Variants in PPARGC1A observed in about 807,000 individuals in gnomAD.
PPARGC1A encodes peroxisome proliferator-activated receptor gamma coactivator 1-alpha.
PPARGC1A carries 25 observed loss-of-function variants against 88.7 expected under a neutral mutation model. That is an observed-to-expected ratio of 0.28 (90% CI 0.21 to 0.39). PPARGC1A has a LOEUF of 0.39. PPARGC1A is among the 10% of genes least tolerant of loss of function. The pLI is 1.00. For synonymous variants in PPARGC1A, 363 were observed against 355.6 expected (o/e 1.02, Z -0.24); for missense variants, 880 against 968.7 (o/e 0.91, Z 1.22).
At chr4:24,016,044 G>A in the PPARGC1A span, among the ~76,000 whole-genome samples, 3 of 152,158 alleles carry the variant, frequency 2.0e-5, no homozygotes, top group Admixed American at 2.0e-4. Flanking sequence ...TGCCAATAGA[G>A]TGGTGCTTAG....
chr4:24,351,615 AT>A, the PPARGC1A span, among the ~76,000 whole-genome samples: 9 of 152,152 alleles, frequency 5.9e-5, no homozygotes, highest in Non-Finnish European at 1.5e-5. Flanking sequence ...ATTCACAAAA[AT>A]AAGGCCAAAT....
chr4:24,128,575 T>C, the PPARGC1A span, among the ~76,000 whole-genome samples: 1 of 134,194 alleles, frequency 7.5e-6, no homozygotes, highest in Non-Finnish European at 1.6e-5. Flanking sequence ...TGTGTGTGTG[T>C]GTGTGCACGC....
intron 7 of PPARGC1A, among the ~76,000 whole-genome samples, chr4:23,819,758 A>T (rs1722646501): frequency 6.6e-6 from 1 of 152,214 alleles, no homozygotes; most frequent in Non-Finnish European, 1.5e-5. Context: ...TGACAGTAAG[A>T]GTCGCCAAGC....
the PPARGC1A span, among the ~76,000 whole-genome samples, chr4:24,021,616 A>G: frequency 6.6e-6 from 1 of 152,190 alleles, no homozygotes; most frequent in Non-Finnish European, 1.5e-5. Flanking sequence ...TATTCATATT[A>G]GAAGAAAGGG....
chr4:23,885,646 A>ATGTG (rs10657089), intron 1 of PPARGC1A, among the ~76,000 whole-genome samples: 293 of 150,792 alleles, frequency 1.9e-3, no homozygotes, highest in African/African-American at 5.0e-3. Flanking sequence ...AACTTGCAAG[A>ATGTG]TGTGTGTGTG....
the PPARGC1A span, among the ~76,000 whole-genome samples, chr4:24,173,362 A>G: frequency 6.6e-6 from 1 of 152,062 alleles, no homozygotes; most frequent in East Asian, 1.9e-4. Flanking sequence ...AAAAAAGAAA[A>G]AAAATTCAGA....
chr4:23,998,204 A>G, the PPARGC1A span, among the ~76,000 whole-genome samples: 1 of 152,250 alleles, frequency 6.6e-6, no homozygotes, highest in Non-Finnish European at 1.5e-5. Flanking sequence ...GATAATTTGT[A>G]TACACATAAG....
chr4:24,357,649 G>A, the PPARGC1A span, among the ~76,000 whole-genome samples: 57,287 of 151,982 alleles, frequency 0.38, 11,145 homozygotes, highest in Non-Finnish European at 0.41. Flanking sequence ...TTGAATTGTA[G>A]CTCCCATAAT....
chr4:24,406,261 C>A, the PPARGC1A span, among the ~76,000 whole-genome samples: 2 of 152,148 alleles, frequency 1.3e-5, no homozygotes, highest in Admixed American at 1.3e-4. Context: ...CAGCCATCTT[C>A]CCACAAGAAG....
rs562736519 is a variant in PPARGC1A at position 23,809,122 on chromosome 4, C to G, written c.2019+3625G>C. Among the ~76,000 whole-genome samples, 4 of 152,162 alleles carry G rather than the reference C, an allele frequency of 2.6e-5. No individual in the cohort carries two copies. In the East Asian group the frequency reaches 7.7e-4, roughly 29 times the overall value. On this transcript the variant is annotated intron_variant, in intron 10 of 12. Coordinates refer to ENST00000264867, the MANE Select transcript of PPARGC1A (RefSeq NM_013261.5). ...ATTGAAAGAACATCATGTACCTGAC[C>G]AACTTAAGTCTGGACTGTCCTTGTT...
chr4:24,323,335 A>G, the PPARGC1A span, among the ~76,000 whole-genome samples: 1 of 152,220 alleles, frequency 6.6e-6, no homozygotes, highest in Non-Finnish European at 1.5e-5. Context: ...TGACTTGCAC[A>G]TATACGCCCA....
the PPARGC1A span, among the ~76,000 whole-genome samples, chr4:24,338,924 TC>T: frequency 6.6e-6 from 1 of 152,128 alleles, no homozygotes; most frequent in African/African-American, 2.4e-5. Flanking sequence ...TGGTAAAATA[TC>T]CATGACATGA....
intron 1 of PPARGC1A, chr4:23,889,167 CCA>C: frequency 1.0e-6 from 1 of 985,358 alleles, no homozygotes; most frequent in Non-Finnish European, 1.2e-6. Flanking sequence ...GCGAGCAGCT[CCA>C]CACACAGTCC....
chr4:24,032,366 T>G, the PPARGC1A span, among the ~76,000 whole-genome samples: 1 of 152,164 alleles, frequency 6.6e-6, no homozygotes, highest in Non-Finnish European at 1.5e-5. Flanking sequence ...GGGCTCCTGG[T>G]GGCTTATGGA....
the PPARGC1A span, among the ~76,000 whole-genome samples, chr4:24,189,076 C>A: frequency 6.6e-6 from 1 of 152,032 alleles, no homozygotes; most frequent in African/African-American, 2.4e-5. Context: ...ATTCCACTTA[C>A]GCAAGCTACT....
the PPARGC1A span, among the ~76,000 whole-genome samples, chr4:24,228,663 A>T: frequency 6.6e-6 from 1 of 152,202 alleles, no homozygotes; most frequent in Non-Finnish European, 1.5e-5. Context: ...CAAGGAAAAA[A>T]AGAAAAAAAA....
At chr4:24,278,614 A>G in the PPARGC1A span, among the ~76,000 whole-genome samples, 4 of 152,256 alleles carry the variant, frequency 2.6e-5, no homozygotes, top group East Asian at 7.7e-4. Context: ...TGATTTTTGA[A>G]AAAGCATGCC....
the PPARGC1A span, among the ~76,000 whole-genome samples, chr4:24,449,262 C>T: frequency 6.6e-6 from 1 of 152,302 alleles, no homozygotes; most frequent in Admixed American, 6.5e-5. Flanking sequence ...GGGTCTTCTA[C>T]CATCTGCTCA....
At chr4:24,077,456 G>C in the PPARGC1A span, among the ~76,000 whole-genome samples, 1 of 152,050 alleles carries the variant, frequency 6.6e-6, no homozygotes, top group African/African-American at 2.4e-5. Flanking sequence ...TTCGAGGTAA[G>C]AGTTAAATTT....
Sources: allele counts gnomAD v4.1 joint callset (sites outside exome capture counted in the v4.1 genomes callset), GRCh38; gene constraint gnomAD v4.1.1; transcripts MANE v1.5; gene names NCBI Gene and HGNC (gene_info 2026-07-23, HGNC 2026-07-21).